Variants in ENPP2 observed in about 807,000 individuals in gnomAD.
ENPP2 encodes autotaxin.
Under a neutral mutation model 120.2 loss-of-function variants are expected in ENPP2, and 51 were observed. The ratio of observed to expected loss-of-function variants is 0.42; its 90% confidence interval spans 0.34 to 0.54. The LOEUF (loss-of-function observed/expected upper bound fraction) is 0.54, where lower values mean the gene tolerates loss of function less well. Among genes scored for constraint, ENPP2 ranks in the 20% least tolerant of loss-of-function variants. The pLI, the probability that ENPP2 is intolerant of heterozygous loss-of-function variation, is 0.04. For missense variants in ENPP2, 920 were observed against 1,066.5 expected (o/e 0.86, Z 1.91); for synonymous variants, 365 against 366.4 (o/e 1.00, Z 0.04).
intron 8 of ENPP2, 92 bp from the exon 9 acceptor site, chr8:119,608,069 T>C (rs1814846527): frequency 2.8e-6 from 2 of 716,256 alleles, no homozygotes; most frequent in Non-Finnish European, 4.7e-6. Context: ...AGATATCTTA[T>C]ACTCTACTCA....
intron 1 of ENPP2, among the ~76,000 whole-genome samples, chr8:119,672,519 C>T (rs557833564): frequency 6.6e-6 from 1 of 152,276 alleles, no homozygotes; most frequent in East Asian, 1.9e-4. Context: ...CCCCTGCGGA[C>T]GCTCCCCAGT....
rs182967965 is a variant in ENPP2 at position 119,581,487 on chromosome 8, G to A, written c.1728+931C>T. ...AGGAAGTACAGGGGAGGAAGATGAC[G>A]GTAGCACTCTCCTATCTGGGAGTGC... On this transcript the variant is annotated intron_variant, in intron 18 of 24. Coordinates refer to ENST00000075322, the MANE Select transcript of ENPP2 (RefSeq NM_001040092.3). Among the ~76,000 whole-genome samples the A allele has an allele frequency of 1.4e-3, 209 of 152,110 alleles. 1 individual carries two copies. Among genetic ancestry groups the A allele is most frequent in the African/African-American group, 3.7e-3 (155 of 41,506 alleles).
chr8:119,643,467 T>TA (rs1817342641), upstream of ENPP2, among the ~76,000 whole-genome samples: 2 of 152,214 alleles, frequency 1.3e-5, no homozygotes, highest in African/African-American at 4.8e-5. Flanking sequence ...TATTAATTGT[T>TA]ACACAGTCGA....
At position 119,562,839 on chromosome 8, in the gene ENPP2, C is replaced by T. The variant is rs764085938; in HGVS notation, c.2421+18G>A. 22 of 1,610,866 alleles carry T rather than the reference C, an allele frequency of 1.4e-5. No individual in the cohort carries two copies. The Admixed American group carries it at 1.5e-4, about 11-fold the overall frequency. ...AACTATGGAAGCAAATCCTAAAGGACTCTCTCTGTAAACTCACATTGCAGC... is the reference window on the plus strand; with the variant it reads ...AACTATGGAAGCAAATCCTAAAGGATTCTCTCTGTAAACTCACATTGCAGC... On this transcript the variant is annotated intron_variant, in intron 24 of 24. Transcript: ENST00000075322.
intron 9 of ENPP2, among the ~76,000 whole-genome samples, chr8:119,603,083 C>A (rs1374100): frequency 2.6e-4 from 39 of 151,974 alleles, no homozygotes; most frequent in Non-Finnish European, 5.0e-4. Flanking sequence ...TGGATAAATG[C>A]GACCCTGATC....
At chr8:119,632,359 G>A (rs536800476) in intron 2 of ENPP2, among the ~76,000 whole-genome samples, 3 of 152,274 alleles carry the variant, frequency 2.0e-5, no homozygotes, top group Admixed American at 1.3e-4. Context: ...TAAGTATGAT[G>A]GAGGCTTGAA....
At chr8:119,670,085 C>T (rs1309237776) in intron 1 of ENPP2, among the ~76,000 whole-genome samples, 4 of 152,172 alleles carry the variant, frequency 2.6e-5, no homozygotes, top group Non-Finnish European at 1.5e-5. Context: ...TGCCAGGTTC[C>T]AGGCTAAAGA....
rs77850568 is a variant in ENPP2 at position 119,660,942 on chromosome 8, A to G, written c.21+12310T>C. Among the ~76,000 whole-genome samples the G allele has an allele frequency of 7.2e-3, 1,097 of 152,334 alleles. 17 individuals carry two copies. The highest frequency in any genetic ancestry group is 0.024 in the African/African-American group (984 of 41,574). On this transcript the variant is annotated intron_variant, in intron 1 of 25. Coordinates refer to the ENPP2 transcript ENST00000427067. ...GAGAAGACAACCCAAGGAAATATTC[A>G]CAGAAAATATTTGTAAGCCATACAT...
chr8:119,582,256 G>A (rs1812799522), intron 18 of ENPP2, among the ~76,000 whole-genome samples, 162 bp downstream of exon 18: 1 of 152,160 alleles, frequency 6.6e-6, no homozygotes, highest in Non-Finnish European at 1.5e-5. Flanking sequence ...TAATTATAAA[G>A]TAATGAAATA....
In ENPP2 at chr8:119,626,731, C is replaced by T. The variant is rs761544185; in HGVS notation, c.137-11G>A. On this transcript the variant is annotated splice_polypyrimidine_tract_variant and intron_variant, in intron 2 of 24. Coordinates refer to ENST00000075322, the MANE Select transcript of ENPP2 (RefSeq NM_001040092.3). ...GGGAGTCTGATAGCACTGCAAAGAA[C>T]AAGAGGCAAAAACAATGGACTGGAG... The T allele has an allele frequency of 6.2e-7, 1 of 1,613,388 alleles. No homozygotes were observed. The highest frequency in any genetic ancestry group is 1.1e-5 in the South Asian group (1 of 91,046).
chr8:119,570,066 C>T (rs937084760), intron 20 of ENPP2, among the ~76,000 whole-genome samples: 1 of 151,894 alleles, frequency 6.6e-6, no homozygotes, highest in African/African-American at 2.4e-5. Context: ...GTCAGGAGTT[C>T]GAGACCAGCC....
chr8:119,620,815 C>T (rs944281882), intron 4 of ENPP2, among the ~76,000 whole-genome samples: 1 of 152,166 alleles, frequency 6.6e-6, no homozygotes, highest in African/African-American at 2.4e-5. Context: ...AATGCTGGCC[C>T]CCTCATCCCC....
chr8:119,611,933 G>A (rs553836662), intron 8 of ENPP2, among the ~76,000 whole-genome samples: 83 of 152,312 alleles, frequency 5.4e-4, no homozygotes, highest in African/African-American at 1.9e-3. Context: ...GGAGGTAGAG[G>A]TATGAGAATC....
At chr8:119,590,739 T>A in intron 12 of ENPP2, 109 bp from the exon 13 acceptor site, 2 of 703,342 alleles carry the variant, frequency 2.8e-6, no homozygotes, top group Non-Finnish European at 4.4e-6. Flanking sequence ...TTTAGTAACT[T>A]AATGGGAAGA....
intron 1 of ENPP2, among the ~76,000 whole-genome samples, chr8:119,657,234 G>A (rs185711323): frequency 2.0e-5 from 3 of 152,194 alleles, no homozygotes; most frequent in East Asian, 1.9e-4. Flanking sequence ...CTATAATCTC[G>A]TTTTATGAGT....
intron 16 of ENPP2, 24 bp downstream of exon 16, chr8:119,583,938 C>T (rs1175717412): frequency 1.3e-6 from 2 of 1,580,770 alleles, no homozygotes; most frequent in East Asian, 4.5e-5. Context: ...AACACAATTT[C>T]AATTCACAGT....
At chr8:119,611,065 A>G (rs1384575275) in intron 8 of ENPP2, among the ~76,000 whole-genome samples, 1 of 152,184 alleles carries the variant, frequency 6.6e-6, no homozygotes, top group Non-Finnish European at 1.5e-5. Flanking sequence ...AAGGGGACAA[A>G]TGGGAATGAC....
At chr8:119,600,599 T>A (rs375088654) in intron 11 of ENPP2, 79 bp downstream of exon 11, 1 of 907,864 alleles carries the variant, frequency 1.1e-6, no homozygotes. Flanking sequence ...CCAGACTTTA[T>A]ACAATTCCTG....
At chr8:119,661,980 C>T (rs1028024229) in intron 1 of ENPP2, among the ~76,000 whole-genome samples, 1 of 151,918 alleles carries the variant, frequency 6.6e-6, no homozygotes, top group African/African-American at 2.4e-5. Context: ...CAAACTTATA[C>T]AAGCAGAGAA....
Sources: gnomAD v4.1 joint callset for allele counts (sites outside exome capture counted in the v4.1 genomes callset) on GRCh38, gnomAD v4.1.1 for gene constraint, MANE v1.5 for transcripts, NCBI Gene and HGNC (gene_info 2026-07-23, HGNC 2026-07-21) for gene names.